IL19: variants seen among roughly 807,000 people sequenced by gnomAD.
IL19 encodes the protein interleukin 19.
In IL19, 15 loss-of-function variants were observed where a neutral mutation model predicts 19.5. The observed-to-expected ratio is 0.77, with a 90% CI of 0.52 to 1.19. IL19 has a LOEUF of 1.19. Ranked by LOEUF, IL19 falls within the 50% of genes most tolerant of loss-of-function variation. The pLI is 0.00. For missense variants in IL19, 199 were observed against 213.1 expected (o/e 0.93, Z 0.41); for synonymous variants, 78 against 78.3 (o/e 1.00, Z 0.02).
chr1:206,772,267 T>G lies in IL19; in HGVS notation c.-149+1189T>G, dbSNP rs778676952. 1.2e-5 allele frequency: 19 copies of G among 1,613,362 alleles called. No homozygotes were observed. The South Asian group carries it at 2.0e-4, about 17-fold the overall frequency. ...GAGAAAGGACAGGAAGGAATCATACTCACAAAGAAAGTCTTCACTCTGCTG... is the reference window on the plus strand; with the variant it reads ...GAGAAAGGACAGGAAGGAATCATACGCACAAAGAAAGTCTTCACTCTGCTG... On this transcript the variant is annotated intron_variant, in intron 1 of 6. Coordinates refer to ENST00000659997, the MANE Select transcript of IL19 (RefSeq NM_153758.5).
chr1:206,773,586 T>TTG (rs2234662), intron 1 of IL19, among the ~76,000 whole-genome samples: 16,659 of 131,646 alleles, frequency 0.13, 1,266 homozygotes, highest in African/African-American at 0.22. Flanking sequence ...TGTCTTGGAT[T>TTG]TGTGTGTGTG....
chr1:206,839,794 G>C (rs1301399853), intron 4 of IL19, 56 bp from the exon 5 acceptor site: 1 of 1,500,110 alleles, frequency 6.7e-7, no homozygotes, highest in Non-Finnish European at 9.0e-7. Context: ...GACTGCCCTG[G>C]TCTCCAACAT....
chr1:206,796,440 C>A (rs906875036), intron 1 of IL19, among the ~76,000 whole-genome samples: 6 of 152,200 alleles, frequency 3.9e-5, no homozygotes, highest in African/African-American at 1.4e-4. Flanking sequence ...GTGGCTTGTA[C>A]TATGTTAATT....
intron 2 of IL19, among the ~76,000 whole-genome samples, chr1:206,816,943 T>C (rs946064455): frequency 6.6e-6 from 1 of 152,160 alleles, no homozygotes; most frequent in African/African-American, 2.4e-5. Flanking sequence ...AGAAACAACT[T>C]GCTGAAAAGC....
intron 2 of IL19, chr1:206,834,007 G>GAGTGCTT (rs1249818449): frequency 2.0e-6 from 2 of 985,396 alleles, no homozygotes; most frequent in Admixed American, 1.2e-4. Context: ...GCTTTTGTGA[G>GAGTGCTT]TTGGCCTGCA....
intron 2 of IL19, among the ~76,000 whole-genome samples, chr1:206,808,752 A>T (rs1267328678): frequency 6.6e-6 from 1 of 152,174 alleles, no homozygotes; most frequent in Non-Finnish European, 1.5e-5. Flanking sequence ...GTGTGCCTGC[A>T]GTTGACACAA....
chr1:206,811,466 T>C (rs11119619), intron 2 of IL19, among the ~76,000 whole-genome samples: 45,271 of 147,124 alleles, frequency 0.31, 7,317 homozygotes, highest in East Asian at 0.41. Flanking sequence ...AAAAAAAAAG[T>C]TTGGTGACCA....
chr1:206,814,690 TCACACACACACACACACA>T (rs34474731), intron 2 of IL19, among the ~76,000 whole-genome samples: 1 of 140,470 alleles, frequency 7.1e-6, no homozygotes, highest in African/African-American at 2.8e-5. Context: ...TGAAACTCTG[TCACACACACACACACACA>T]CACACACACA....
At chr1:206,805,903 T>C (rs950512745) in intron 2 of IL19, among the ~76,000 whole-genome samples, 1 of 152,238 alleles carries the variant, frequency 6.6e-6, no homozygotes, top group Non-Finnish European at 1.5e-5. Flanking sequence ...TTTTGCTGGC[T>C]CACTTAATGA....
chr1:206,771,719 A>G (rs1674850055), intron 1 of IL19, among the ~76,000 whole-genome samples: 1 of 152,220 alleles, frequency 6.6e-6, no homozygotes, highest in African/African-American at 2.4e-5. Context: ...AGGGACACCT[A>G]TGTCAACCCT....
At chr1:206,789,237 C>T (rs557977208) in intron 1 of IL19, among the ~76,000 whole-genome samples, 2 of 152,320 alleles carry the variant, frequency 1.3e-5, no homozygotes, top group Admixed American at 1.3e-4. Flanking sequence ...GAAGAAGATG[C>T]TCTGACCATT....
At chr1:206,815,736 A>G (rs1209337702) in intron 2 of IL19, among the ~76,000 whole-genome samples, 1 of 152,182 alleles carries the variant, frequency 6.6e-6, no homozygotes, top group Non-Finnish European at 1.5e-5. Flanking sequence ...AGAGACATCC[A>G]TGGGAGAGGA....
intron 2 of IL19, among the ~76,000 whole-genome samples, chr1:206,822,174 G>C (rs902770132): frequency 6.6e-6 from 1 of 152,182 alleles, no homozygotes; most frequent in Non-Finnish European, 1.5e-5. Context: ...GAGAATGAGC[G>C]GGGCAGGGTC....
At chr1:206,817,728 T>C (rs1676193905) in intron 2 of IL19, among the ~76,000 whole-genome samples, 1 of 151,976 alleles carries the variant, frequency 6.6e-6, no homozygotes, top group Admixed American at 6.6e-5. Flanking sequence ...TACAAGGAGA[T>C]ATAGAAAAAT....
At chr1:206,772,899 C>A (rs3024489) in intron 1 of IL19, among the ~76,000 whole-genome samples, 2,063 of 152,246 alleles carry the variant, frequency 0.014, 44 homozygotes, top group African/African-American at 0.047. Context: ...TGGGTCCCCC[C>A]AACCTGGGAT....
chr1:206,799,920 C>G (rs182649809), intron 2 of IL19, among the ~76,000 whole-genome samples: 1 of 152,174 alleles, frequency 6.6e-6, no homozygotes. Context: ...ATCTTGTGTA[C>G]TATTATTTTT....
intron 2 of IL19, among the ~76,000 whole-genome samples, chr1:206,835,494 G>T (rs2243166): frequency 2.6e-5 from 4 of 152,186 alleles, no homozygotes; most frequent in South Asian, 2.1e-4. Flanking sequence ...GAGGAGCTGG[G>T]AATCCTGAGG....
In IL19 at chr1:206,770,964, C is replaced by T. The variant is rs560908141; in HGVS notation, c.-263C>T. 1.9e-5 allele frequency: 30 copies of T among 1,614,084 alleles called. No homozygotes were observed. Among genetic ancestry groups the T allele is most frequent in the East Asian group, 8.9e-5 (4 of 44,884 alleles). On this transcript the variant is annotated 5_prime_UTR_variant, in exon 1 of 7. Transcript: ENST00000659997. ...GGTTCTCCCCCAGGGAGTTCACATG[C>T]GCCTTGATGTCTGGGTCTTGGTTCT...
Position 206,842,714 on chromosome 1 carries a change from G to A in IL19, c.*92G>A, listed in dbSNP as rs977187367. On this transcript the variant is annotated 3_prime_UTR_variant, in exon 7 of 7. Coordinates refer to ENST00000659997, the MANE Select transcript of IL19 (RefSeq NM_153758.5). ...CCACCTTGAAGGGGAAGGAGATGGG[G>A]AAGGCCCCTTGCAGCTGAAAGTCCC... is the stretch of plus-strand genomic sequence containing the variant. 9.4e-6 allele frequency: 7 copies of A among 746,090 alleles called. No individual in the cohort carries two copies. Among genetic ancestry groups the A allele is most frequent in the African/African-American group, 1.8e-5 (1 of 56,506 alleles). The allele number at this position is 746,090 out of a possible 1,614,324, so 46.2% of individuals were successfully genotyped here.
Sources: allele counts gnomAD v4.1 joint callset (sites outside exome capture counted in the v4.1 genomes callset), GRCh38; gene constraint gnomAD v4.1.1; transcripts MANE v1.5; gene names NCBI Gene and HGNC (gene_info 2026-07-23, HGNC 2026-07-21).